Variants in CDH18 observed in about 807,000 individuals in gnomAD.
The protein encoded by CDH18 is cadherin-18.
A neutral mutation model predicts 67.9 loss-of-function variants in CDH18; 31 were observed. The ratio of observed to expected loss-of-function variants is 0.46; its 90% CI spans 0.34 to 0.62. CDH18 has a LOEUF of 0.62. CDH18 is among the 20% of genes least tolerant of loss of function. The probability of loss-of-function intolerance (pLI) is 0.01; values close to 1 mark genes in which losing one functional copy is unlikely to be tolerated. For missense variants in CDH18, 890 were observed against 975.5 expected, an observed-to-expected ratio of 0.91 and a Z score of 1.17; for synonymous variants, 362 against 347.2, an observed-to-expected ratio of 1.04 and a Z score of -0.48.
intron 1 of CDH18, among the ~76,000 whole-genome samples, chr5:20,468,868 A>G (rs183439093): frequency 8.3e-4 from 127 of 152,354 alleles, no homozygotes; most frequent in Admixed American, 2.5e-3. Flanking sequence ...AATAACACAT[A>G]TTAGGTAAAG....
chr5:19,478,968 A>G (rs561969621), intron 12 of CDH18, among the ~76,000 whole-genome samples: 7 of 152,340 alleles, frequency 4.6e-5, no homozygotes, highest in African/African-American at 1.7e-4. Flanking sequence ...GTTTATATCT[A>G]TCATTTAAAG....
At chr5:19,845,511 A>G (rs1301786983) in intron 2 of CDH18, among the ~76,000 whole-genome samples, 2 of 152,096 alleles carry the variant, frequency 1.3e-5, no homozygotes, top group Non-Finnish European at 2.9e-5. Context: ...TGTTCCATAT[A>G]TGTCTGTTAA....
At chr5:20,150,997 G>A (rs1391735076) in intron 2 of CDH18, among the ~76,000 whole-genome samples, 1 of 151,776 alleles carries the variant, frequency 6.6e-6, no homozygotes, top group African/African-American at 2.4e-5. Flanking sequence ...CTACTTTTAA[G>A]TCAACAATTT....
chr5:19,764,835 C>T (rs1772864642), intron 3 of CDH18, among the ~76,000 whole-genome samples: 1 of 152,050 alleles, frequency 6.6e-6, no homozygotes, highest in Non-Finnish European at 1.5e-5. Context: ...ATCTCATTTC[C>T]ATGCAGTCTC....
chr5:20,469,536 G>A (rs1294107949), intron 1 of CDH18, among the ~76,000 whole-genome samples: 3 of 152,092 alleles, frequency 2.0e-5, no homozygotes, highest in Non-Finnish European at 2.9e-5. Flanking sequence ...CCCTTCACAA[G>A]TTTGCTGTAA....
intron 2 of CDH18, among the ~76,000 whole-genome samples, chr5:20,210,396 T>C (rs1304638930): frequency 6.6e-6 from 1 of 152,010 alleles, no homozygotes; most frequent in Admixed American, 6.6e-5. Flanking sequence ...CTGAGGTTTT[T>C]ATTAGATTCC....
intron 10 of CDH18, among the ~76,000 whole-genome samples, chr5:19,519,464 T>C (rs1412823446): frequency 6.6e-6 from 1 of 152,128 alleles, no homozygotes; most frequent in African/African-American, 2.4e-5. Flanking sequence ...TACTTTTGAC[T>C]CAGAAAGGGC....
At chr5:19,532,608 C>A (rs564308166) in intron 9 of CDH18, among the ~76,000 whole-genome samples, 1 of 152,196 alleles carries the variant, frequency 6.6e-6, no homozygotes, top group African/African-American at 2.4e-5. Flanking sequence ...TTAAAAGGAA[C>A]ATTATGACAG....
intron 2 of CDH18, among the ~76,000 whole-genome samples, chr5:20,165,253 G>A (rs1736196603): frequency 6.6e-6 from 1 of 151,838 alleles, no homozygotes; most frequent in African/African-American, 2.4e-5. Context: ...GATTAAACGT[G>A]TTATCTTTAT....
At chr5:20,085,968 C>T (rs1383423323) in intron 2 of CDH18, among the ~76,000 whole-genome samples, 1 of 152,096 alleles carries the variant, frequency 6.6e-6, no homozygotes, top group African/African-American at 2.4e-5. Context: ...AGAAATGACA[C>T]ATTTATTAAG....
intron 1 of CDH18, among the ~76,000 whole-genome samples, chr5:20,460,540 C>T (rs1751190094): frequency 1.3e-5 from 2 of 152,048 alleles, no homozygotes; most frequent in Admixed American, 1.3e-4. Flanking sequence ...TTGTGCACAC[C>T]ATTCTAGGCA....
intron 2 of CDH18, among the ~76,000 whole-genome samples, chr5:20,151,747 C>A (rs1387586401): frequency 6.6e-6 from 1 of 151,778 alleles, no homozygotes; most frequent in Non-Finnish European, 1.5e-5. Flanking sequence ...CTTATCCTTT[C>A]AATAATTTAT....
chr5:19,554,416 G>A (rs1441815718), intron 8 of CDH18, among the ~76,000 whole-genome samples: 5 of 152,100 alleles, frequency 3.3e-5, no homozygotes, highest in African/African-American at 7.2e-5. Flanking sequence ...CAAGCATGGT[G>A]GCACATGCCT....
chr5:19,544,502 C>A (rs1048406336), intron 8 of CDH18, among the ~76,000 whole-genome samples: 18 of 152,024 alleles, frequency 1.2e-4, no homozygotes, highest in African/African-American at 4.3e-4. Context: ...GTACCTCCAT[C>A]ACAGTTCAAC....
At chr5:20,422,446 G>A (rs546413240) in intron 1 of CDH18, among the ~76,000 whole-genome samples, 1 of 150,982 alleles carries the variant, frequency 6.6e-6, no homozygotes, top group South Asian at 2.1e-4. Flanking sequence ...ATAGCCAGGT[G>A]TAGTTCTATA....
chr5:19,856,153 T>C (rs1784258701), intron 2 of CDH18, among the ~76,000 whole-genome samples: 1 of 152,208 alleles, frequency 6.6e-6, no homozygotes. Flanking sequence ...CTGTGCTACT[T>C]ACATTTTGGC....
intron 1 of CDH18, among the ~76,000 whole-genome samples, chr5:20,548,849 T>G (rs1757485104): frequency 6.6e-6 from 1 of 152,178 alleles, no homozygotes; most frequent in Admixed American, 6.6e-5. Flanking sequence ...TGATGAAGTC[T>G]AATGTCTTGA....
At chr5:19,510,078 T>C (rs1744880509) in intron 10 of CDH18, among the ~76,000 whole-genome samples, 1 of 152,144 alleles carries the variant, frequency 6.6e-6, no homozygotes, top group African/African-American at 2.4e-5. Flanking sequence ...GAAATATCCG[T>C]AATTTGAAAA....
At chr5:20,313,986 G>T (rs1198845255) in intron 1 of CDH18, among the ~76,000 whole-genome samples, 1 of 151,684 alleles carries the variant, frequency 6.6e-6, no homozygotes, top group South Asian at 2.1e-4. Flanking sequence ...TACTTTTTTT[G>T]TGTGTTTAAG....
Sources: allele counts gnomAD v4.1 joint callset (sites outside exome capture counted in the v4.1 genomes callset), GRCh38; gene constraint gnomAD v4.1.1; transcripts MANE v1.5; gene names NCBI Gene and HGNC (gene_info 2026-07-23, HGNC 2026-07-21).